GPC5: variants seen among roughly 807,000 people sequenced by gnomAD.
GPC5 encodes glypican 5.
A neutral mutation model predicts 53.9 loss-of-function variants in GPC5; 47 were observed. The observed-to-expected ratio is 0.87, with a 90% confidence interval of 0.69 to 1.11. The LOEUF is 1.11. Among genes scored for constraint, GPC5 ranks in the 50% most tolerant of loss-of-function variants. GPC5 has a pLI of 0.00. For synonymous variants in GPC5, 286 were observed against 263.3 expected, an observed-to-expected ratio of 1.09 and a Z score of -0.84; for missense variants, 748 against 713.1, an observed-to-expected ratio of 1.05 and a Z score of -0.56.
intron 6 of GPC5, among the ~76,000 whole-genome samples, chr13:91,975,893 T>G (rs2040295752): frequency 6.6e-6 from 1 of 152,178 alleles, no homozygotes. Flanking sequence ...AATGATAGAC[T>G]GGATTAAGAA....
intron 7 of GPC5, among the ~76,000 whole-genome samples, chr13:92,847,362 C>T (rs1185286265): frequency 1.3e-5 from 2 of 152,116 alleles, no homozygotes; most frequent in Admixed American, 1.3e-4. Context: ...TTTGTGTCCT[C>T]GCCCAAATCT....
chr13:92,805,093 G>A (rs1449895680), intron 7 of GPC5, among the ~76,000 whole-genome samples: 1 of 152,002 alleles, frequency 6.6e-6, no homozygotes, highest in Non-Finnish European at 1.5e-5. Context: ...CATCCATGAA[G>A]GTTGGAATCA....
chr13:92,203,071 A>T (rs2042306341), intron 7 of GPC5, among the ~76,000 whole-genome samples: 1 of 152,214 alleles, frequency 6.6e-6, no homozygotes, highest in Non-Finnish European at 1.5e-5. Context: ...GAACTAGTTG[A>T]TGACAAACTG....
chr13:92,325,306 A>G (rs2043243478), intron 7 of GPC5, among the ~76,000 whole-genome samples: 1 of 152,122 alleles, frequency 6.6e-6, no homozygotes, highest in Admixed American at 6.6e-5. Flanking sequence ...AAAAGCACAT[A>G]TTGATTCAGA....
chr13:92,715,113 AT>A (rs1338378658), intron 7 of GPC5, among the ~76,000 whole-genome samples: 2 of 152,196 alleles, frequency 1.3e-5, no homozygotes, highest in Non-Finnish European at 2.9e-5. Context: ...TATTTATTCC[AT>A]GGTTGAGTAC....
chr13:91,514,967 C>T (rs1252082519), intron 2 of GPC5, among the ~76,000 whole-genome samples: 2 of 152,190 alleles, frequency 1.3e-5, no homozygotes, highest in Admixed American at 1.3e-4. Flanking sequence ...CCACTAGCCT[C>T]ATGGAATCAT....
chr13:92,636,653 C>T (rs764729376), intron 7 of GPC5, among the ~76,000 whole-genome samples: 2 of 152,176 alleles, frequency 1.3e-5, no homozygotes, highest in Admixed American at 6.5e-5. Flanking sequence ...AACCATTGTC[C>T]GTAATTTTAT....
At chr13:92,663,806 TATACACACTATATATATATAC>T (rs1886448712) in intron 7 of GPC5, among the ~76,000 whole-genome samples, 1 of 136,126 alleles carries the variant, frequency 7.3e-6, no homozygotes, top group Non-Finnish European at 1.6e-5. Flanking sequence ...ACACTATATA[TATACACACTATATATATATAC>T]ACACACTATA....
At chr13:91,519,783 T>C (rs564891984) in intron 2 of GPC5, among the ~76,000 whole-genome samples, 5 of 152,302 alleles carry the variant, frequency 3.3e-5, no homozygotes, top group African/African-American at 1.2e-4. Flanking sequence ...CAGGTTACTG[T>C]TTACTTTTAG....
chr13:91,889,155 T>A (rs1387270966), intron 5 of GPC5, among the ~76,000 whole-genome samples: 1 of 152,216 alleles, frequency 6.6e-6, no homozygotes, highest in Admixed American at 6.5e-5. Flanking sequence ...GAGCTTAGTA[T>A]GTAAGATACT....
intron 5 of GPC5, among the ~76,000 whole-genome samples, chr13:91,799,573 CT>C (rs779139648): frequency 4.6e-5 from 7 of 152,090 alleles, no homozygotes; most frequent in Admixed American, 1.3e-4. Context: ...TCTCTTCCCC[CT>C]ATACTATAAA....
At chr13:92,158,090 G>T (rs2041958543) in intron 7 of GPC5, among the ~76,000 whole-genome samples, 1 of 152,142 alleles carries the variant, frequency 6.6e-6, no homozygotes, top group Non-Finnish European at 1.5e-5. Context: ...GGTTTCAATA[G>T]AGGACCAAAG....
At chr13:91,484,528 A>G (rs1052990419) in intron 2 of GPC5, among the ~76,000 whole-genome samples, 1 of 152,178 alleles carries the variant, frequency 6.6e-6, no homozygotes, top group East Asian at 1.9e-4. Flanking sequence ...TTTAAGAAAC[A>G]AAATTACTTT....
Position 91,458,978 on chromosome 13 carries a change from A to G in GPC5, c.325+10056A>G, listed in dbSNP as rs770268301. ...TCAGGAATCAAAAACCAAACATCGT[A>G]TGTTCTCACTGATAAGTGGGAGCTA... On this transcript the variant is annotated intron_variant, in intron 2 of 7. Coordinates refer to ENST00000377067, the MANE Select transcript of GPC5 (RefSeq NM_004466.6). Among the ~76,000 whole-genome samples the G allele has an allele frequency of 4.7e-4, 72 of 152,066 alleles. 2 individuals carry two copies. The highest frequency in any genetic ancestry group is 8.8e-5 in the Non-Finnish European group (6 of 67,992).
intron 7 of GPC5, among the ~76,000 whole-genome samples, chr13:92,276,366 A>T (rs1383922693): frequency 6.6e-6 from 1 of 152,124 alleles, no homozygotes; most frequent in Non-Finnish European, 1.5e-5. Flanking sequence ...CTTTCTTCTT[A>T]CCATCTAAAA....
intron 2 of GPC5, among the ~76,000 whole-genome samples, chr13:91,496,354 A>G (rs1338010531): frequency 6.6e-6 from 1 of 152,170 alleles, no homozygotes; most frequent in Non-Finnish European, 1.5e-5. Context: ...ACCATTCACA[A>G]TGGCTAAGAT....
intron 7 of GPC5, among the ~76,000 whole-genome samples, chr13:92,710,273 T>C (rs1237556082): frequency 6.6e-6 from 1 of 152,162 alleles, no homozygotes; most frequent in Non-Finnish European, 1.5e-5. Flanking sequence ...AGATTGGTAT[T>C]ACTAATTCAA....
chr13:91,935,563 T>G (rs2039862516), intron 6 of GPC5, among the ~76,000 whole-genome samples: 1 of 151,982 alleles, frequency 6.6e-6, no homozygotes, highest in Admixed American at 6.6e-5. Flanking sequence ...TTTTTGTGGT[T>G]TATCAGGCAT....
chr13:92,191,916 C>A (rs543653903), intron 7 of GPC5, among the ~76,000 whole-genome samples: 1 of 152,278 alleles, frequency 6.6e-6, no homozygotes, highest in Admixed American at 6.5e-5. Flanking sequence ...GACACAACCC[C>A]GTTGTAAGTC....
Sources: gnomAD v4.1 joint callset for allele counts (sites outside exome capture counted in the v4.1 genomes callset) on GRCh38, gnomAD v4.1.1 for gene constraint, MANE v1.5 for transcripts, NCBI Gene and HGNC (gene_info 2026-07-23, HGNC 2026-07-21) for gene names.